SH3RF3: variants seen among roughly 807,000 people sequenced by gnomAD.
SH3RF3 encodes E3 ubiquitin-protein ligase SH3RF3.
Under a neutral mutation model 66.3 loss-of-function variants are expected in SH3RF3, and 29 were observed. That is an observed-to-expected ratio of 0.44 (90% CI 0.33 to 0.60). The LOEUF is 0.60. Ranked by LOEUF, SH3RF3 falls within the 20% of genes least tolerant of loss-of-function variation. SH3RF3 has a pLI of 0.04. For synonymous variants in SH3RF3, 583 were observed against 532.0 expected (o/e 1.10, Z -1.32); for missense variants, 1,194 against 1,190.9 (o/e 1.00, Z -0.04).
At chr2:109,314,182 G>T (rs935335930) in intron 1 of SH3RF3, among the ~76,000 whole-genome samples, 4 of 152,152 alleles carry the variant, frequency 2.6e-5, no homozygotes, top group Admixed American at 2.0e-4. Flanking sequence ...GGAGACCAGC[G>T]GGTGGGTGTC....
intron 1 of SH3RF3, among the ~76,000 whole-genome samples, chr2:109,332,018 C>T (rs1045156634): frequency 3.3e-4 from 51 of 152,266 alleles, no homozygotes; most frequent in Admixed American, 1.2e-3. Context: ...CTGGGAGCAG[C>T]GGTTACCGGA....
intron 1 of SH3RF3, among the ~76,000 whole-genome samples, chr2:109,278,342 G>A (rs1167781640): frequency 6.6e-6 from 1 of 152,200 alleles, no homozygotes; most frequent in African/African-American, 2.4e-5. Context: ...AATGGGGGTG[G>A]GCCCAGGGGC....
intron 1 of SH3RF3, among the ~76,000 whole-genome samples, chr2:109,166,207 G>A (rs888504282): frequency 1.3e-5 from 2 of 152,110 alleles, no homozygotes; most frequent in Admixed American, 6.6e-5. Flanking sequence ...GGCCAGGCAC[G>A]GTGGCTTATG....
chr2:109,225,700 G>C (rs1055151049), intron 1 of SH3RF3, among the ~76,000 whole-genome samples: 1 of 152,262 alleles, frequency 6.6e-6, no homozygotes, highest in Non-Finnish European at 1.5e-5. Flanking sequence ...GAGGAGAGCA[G>C]GTGGTGTGTT....
At chr2:109,287,566 G>A (rs1255822991) in intron 1 of SH3RF3, among the ~76,000 whole-genome samples, 2 of 152,200 alleles carry the variant, frequency 1.3e-5, no homozygotes, top group Admixed American at 6.5e-5. Flanking sequence ...GACCCTGTTG[G>A]TGCTGGAGAC....
chr2:109,225,905 A>G (rs929537722), intron 1 of SH3RF3, among the ~76,000 whole-genome samples: 7 of 152,184 alleles, frequency 4.6e-5, no homozygotes, highest in Admixed American at 1.3e-4. Context: ...AGCTGGGACT[A>G]TAGTCGCTTT....
intron 1 of SH3RF3, among the ~76,000 whole-genome samples, chr2:109,196,536 G>A (rs1488021418): frequency 6.6e-6 from 1 of 152,248 alleles, no homozygotes; most frequent in African/African-American, 2.4e-5. Flanking sequence ...CACCTGTGCT[G>A]AGAGGTCCGT....
At chr2:109,473,646 A>G (rs1262865483) in intron 8 of SH3RF3, among the ~76,000 whole-genome samples, 2 of 152,074 alleles carry the variant, frequency 1.3e-5, no homozygotes, top group Non-Finnish European at 2.9e-5. Flanking sequence ...GGGATGAGGG[A>G]GCATATGTGT....
At chr2:109,331,543 C>T (rs1254531183) in intron 1 of SH3RF3, among the ~76,000 whole-genome samples, 2 of 152,190 alleles carry the variant, frequency 1.3e-5, no homozygotes, top group Admixed American at 6.5e-5. Context: ...CAACCCCCAC[C>T]GCCTTCCAAT....
chr2:109,461,884 A>C (rs1361824984), intron 8 of SH3RF3, among the ~76,000 whole-genome samples: 1 of 152,080 alleles, frequency 6.6e-6, no homozygotes, highest in Non-Finnish European at 1.5e-5. Context: ...CCAAATTAAT[A>C]CACCCATCTG....
chr2:109,181,647 C>T (rs992563215), intron 1 of SH3RF3, among the ~76,000 whole-genome samples: 2 of 152,174 alleles, frequency 1.3e-5, no homozygotes, highest in Non-Finnish European at 2.9e-5. Context: ...TGCCTGTTGC[C>T]GAACACACCA....
intron 8 of SH3RF3, among the ~76,000 whole-genome samples, chr2:109,484,283 T>G (rs1356178355): frequency 6.6e-6 from 1 of 152,106 alleles, no homozygotes; most frequent in African/African-American, 2.4e-5. Context: ...GCCAGGCTGG[T>G]CTCGAACTCC....
chr2:109,441,652 T>G (rs1211795683), intron 7 of SH3RF3, among the ~76,000 whole-genome samples: 9 of 152,156 alleles, frequency 5.9e-5, no homozygotes, highest in Admixed American at 5.9e-4. Context: ...ATGACCAAAA[T>G]TGTTCCAAAT....
intron 1 of SH3RF3, among the ~76,000 whole-genome samples, chr2:109,287,881 A>G (rs549069268): frequency 4.3e-4 from 66 of 152,272 alleles, no homozygotes; most frequent in South Asian, 2.3e-3. Context: ...TTCTTTTGCT[A>G]ACTCCCCTTA....
intron 2 of SH3RF3, among the ~76,000 whole-genome samples, chr2:109,352,315 C>CA (rs1333594918): frequency 2.0e-5 from 3 of 152,224 alleles, no homozygotes; most frequent in African/African-American, 7.2e-5. Context: ...CTCCTAAAGA[C>CA]AGACTGCATG....
At chr2:109,493,436 C>T (rs911089712) in intron 9 of SH3RF3, among the ~76,000 whole-genome samples, 1 of 151,428 alleles carries the variant, frequency 6.6e-6, no homozygotes, top group Non-Finnish European at 1.5e-5. Context: ...ACAGACTACA[C>T]ACATGTGCAA....
chr2:109,297,035 C>T (rs1222073693), intron 1 of SH3RF3, among the ~76,000 whole-genome samples: 2 of 152,110 alleles, frequency 1.3e-5, no homozygotes, highest in East Asian at 3.9e-4. Flanking sequence ...ATGCCTGGCC[C>T]TGGGTATTTG....
chr2:109,306,839 G>A (rs908569169), intron 1 of SH3RF3, among the ~76,000 whole-genome samples: 9 of 152,222 alleles, frequency 5.9e-5, no homozygotes, highest in Non-Finnish European at 1.2e-4. Flanking sequence ...TGGTCGACGT[G>A]TATGTTGAGT....
chr2:109,134,281 G>C (rs185673891), intron 1 of SH3RF3, among the ~76,000 whole-genome samples: 8 of 152,260 alleles, frequency 5.3e-5, no homozygotes, highest in Admixed American at 5.2e-4. Flanking sequence ...TGGCTGGATG[G>C]TTGGGATGTT....
Sources: allele counts gnomAD v4.1 joint callset (sites outside exome capture counted in the v4.1 genomes callset), GRCh38; gene constraint gnomAD v4.1.1; transcripts MANE v1.5; gene names NCBI Gene and HGNC (gene_info 2026-07-23, HGNC 2026-07-21).